BLTP1: variants seen among roughly 807,000 people sequenced by gnomAD.
BLTP1 encodes bridge-like lipid transfer protein family member 1, also known as fragile site-associated protein.
At chr4:122,292,583 A>T in the BLTP1 span, 1 of 916,880 alleles carries the variant, frequency 1.1e-6, no homozygotes, top group South Asian at 5.1e-5. Flanking sequence ...ACTGTTAGGT[A>T]ATATAACATG....
the BLTP1 span, chr4:122,354,111 C>A: frequency 1.8e-6 from 2 of 1,098,936 alleles, no homozygotes; most frequent in Non-Finnish European, 1.3e-6. Flanking sequence ...ATGGTGTTTT[C>A]ATTTCCTTAA....
At chr4:122,201,141 G>A in the BLTP1 span, 15 of 1,591,350 alleles carry the variant, frequency 9.4e-6, no homozygotes, top group East Asian at 2.5e-4. Context: ...TTTTCTAATA[G>A]ATATAAATAC....
the BLTP1 span, among the ~76,000 whole-genome samples, chr4:122,297,743 T>G: frequency 6.6e-6 from 1 of 152,172 alleles, no homozygotes; most frequent in Non-Finnish European, 1.5e-5. Flanking sequence ...AGGAATGAGA[T>G]CATGTCCTTT....
At chr4:122,290,836 C>CACAA in the BLTP1 span, 1 of 140,068 alleles carries the variant, frequency 7.1e-6, no homozygotes. Flanking sequence ...CACACACACA[C>CACAA]ACACACACAC....
At chr4:122,174,926 A>G in the BLTP1 span, 6 of 510,042 alleles carry the variant, frequency 1.2e-5, no homozygotes, top group African/African-American at 2.1e-5. Flanking sequence ...TGACCATTTT[A>G]TATCACAGAG....
the BLTP1 span, chr4:122,186,951 A>G: frequency 2.2e-6 from 2 of 913,750 alleles, no homozygotes; most frequent in Non-Finnish European, 1.3e-6. Flanking sequence ...CATTAAGGGA[A>G]AATTAATTTG....
chr4:122,336,183 A>G, the BLTP1 span: 1 of 1,559,896 alleles, frequency 6.4e-7, no homozygotes. Flanking sequence ...GAATTTATAA[A>G]TGTTCTAGCC....
At chr4:122,170,512 T>G in the BLTP1 span, 1 of 1,334,512 alleles carries the variant, frequency 7.5e-7, no homozygotes, top group African/African-American at 1.5e-5. Flanking sequence ...GAAAGGTGAT[T>G]TAATCAACTT....
the BLTP1 span, chr4:122,273,400 A>G: frequency 1.0e-6 from 1 of 985,068 alleles, no homozygotes; most frequent in East Asian, 1.1e-4. Context: ...GCAAATTGCT[A>G]AGAAAAATAC....
the BLTP1 span, chr4:122,292,381 C>A: frequency 1.2e-6 from 1 of 844,364 alleles, no homozygotes; most frequent in Non-Finnish European, 1.4e-6. Flanking sequence ...TGAATATTCA[C>A]AAAGCTCTAG....
the BLTP1 span, among the ~76,000 whole-genome samples, chr4:122,326,386 G>A: frequency 6.6e-6 from 1 of 151,664 alleles, no homozygotes; most frequent in African/African-American, 2.4e-5. Context: ...CAATGTGGAA[G>A]AATGAATAGA....
At chr4:122,191,517 G>A in the BLTP1 span, among the ~76,000 whole-genome samples, 3 of 152,150 alleles carry the variant, frequency 2.0e-5, no homozygotes, top group East Asian at 1.9e-4. Context: ...CAGTGAACCC[G>A]TATTTCCCAA....
the BLTP1 span, chr4:122,344,386 T>C: frequency 2.5e-6 from 4 of 1,613,654 alleles, no homozygotes; most frequent in Admixed American, 6.7e-5. Flanking sequence ...TTAAAGGGAA[T>C]GTGGATGAGG....
At chr4:122,170,216 G>T in the BLTP1 span, 2 of 371,820 alleles carry the variant, frequency 5.4e-6, no homozygotes, top group African/African-American at 4.6e-5. Flanking sequence ...TGAGGCAGGA[G>T]AATCGCTTGA....
chr4:122,196,916 AT>A, the BLTP1 span: 1 of 518,182 alleles, frequency 1.9e-6, no homozygotes, highest in Non-Finnish European at 3.2e-6. Context: ...CCTTGAAATA[AT>A]TTTATGTATT....
the BLTP1 span, among the ~76,000 whole-genome samples, chr4:122,262,148 T>TTGTGTGTGTGTGTGTGTGTG: frequency 1.0e-3 from 136 of 133,514 alleles, 2 homozygotes; most frequent in Non-Finnish European, 5.0e-4. Flanking sequence ...TACAGATCCT[T>TTGTGTGTGTGTGTGTGTGTG]TGTGTGTGTG....
the BLTP1 span, chr4:122,204,031 A>G: frequency 1.1e-5 from 2 of 186,438 alleles, no homozygotes; most frequent in African/African-American, 2.4e-5. Flanking sequence ...AAATACAACC[A>G]ATATACATTG....
the BLTP1 span, chr4:122,184,645 A>T: frequency 1.0e-6 from 1 of 980,632 alleles, no homozygotes; most frequent in South Asian, 4.7e-5. Context: ...GTCTCAAAAA[A>T]AAACCAAAAA....
chr4:122,229,819 T>C, the BLTP1 span: 19 of 1,365,102 alleles, frequency 1.4e-5, no homozygotes, highest in East Asian at 4.6e-4. Flanking sequence ...TATTTTCTCC[T>C]TCCATTTATG....
Sources: allele counts gnomAD v4.1 joint callset (sites outside exome capture counted in the v4.1 genomes callset), GRCh38; gene constraint gnomAD v4.1.1; transcripts MANE v1.5; gene names NCBI Gene and HGNC (gene_info 2026-07-23, HGNC 2026-07-21).